The following GRIN2A variants were observed in gnomAD, a reference collection of about 807,000 sequenced individuals.
GRIN2A encodes the protein glutamate receptor ionotropic, NMDA 2A.
A neutral mutation model predicts 113.4 loss-of-function variants in GRIN2A; 22 were observed. The observed-to-expected ratio is 0.19, with a 90% CI of 0.14 to 0.28. The LOEUF is 0.28. Ranked by LOEUF, GRIN2A falls within the 10% of genes least tolerant of loss-of-function variation. The probability of loss-of-function intolerance (pLI) is 1.00; values close to 1 mark genes in which losing one functional copy is unlikely to be tolerated. For missense variants in GRIN2A, 1,502 were observed against 1,887.0 expected, an observed-to-expected ratio of 0.80 and a Z score of 3.78; for synonymous variants, 827 against 738.4, an observed-to-expected ratio of 1.12 and a Z score of -1.94.
At chr16:10,114,791 G>A (rs2048696519) in intron 2 of GRIN2A, among the ~76,000 whole-genome samples, 1 of 152,210 alleles carries the variant, frequency 6.6e-6, no homozygotes, top group African/African-American at 2.4e-5. Flanking sequence ...TAGGAACACT[G>A]GCAAAATAGA....
intron 2 of GRIN2A, among the ~76,000 whole-genome samples, chr16:10,086,188 G>A (rs532807836): frequency 6.6e-6 from 1 of 152,200 alleles, no homozygotes; most frequent in African/African-American, 2.4e-5. Context: ...CCTTCCCATG[G>A]AGACTCACAG....
chr16:9,779,873 A>G (rs1424789011), intron 11 of GRIN2A, among the ~76,000 whole-genome samples: 3 of 152,230 alleles, frequency 2.0e-5, no homozygotes, highest in Non-Finnish European at 4.4e-5. Context: ...GTGGCAGAGA[A>G]GCTAGATATC....
intron 2 of GRIN2A, among the ~76,000 whole-genome samples, chr16:10,077,184 G>T (rs1292777514): frequency 6.6e-6 from 1 of 152,188 alleles, no homozygotes; most frequent in Non-Finnish European, 1.5e-5. Context: ...CCTCCAGAAA[G>T]AACACAGCAC....
chr16:9,926,361 C>G (rs1255296617), intron 3 of GRIN2A, among the ~76,000 whole-genome samples: 1 of 152,196 alleles, frequency 6.6e-6, no homozygotes, highest in African/African-American at 2.4e-5. Flanking sequence ...AGGCGCCTCT[C>G]CAATCTTGGG....
chr16:9,857,527 A>G (rs2042990248), intron 4 of GRIN2A, among the ~76,000 whole-genome samples: 1 of 152,238 alleles, frequency 6.6e-6, no homozygotes, highest in Admixed American at 6.5e-5. Flanking sequence ...GACACAGAGT[A>G]GCAAAGTTGC....
In GRIN2A at chr16:9,798,591, C is replaced by T. The variant is rs532332507; in HGVS notation, c.2169-127G>A. 5 of 655,054 alleles carry T rather than the reference C, an allele frequency of 7.6e-6. No individual in the cohort carries two copies. The East Asian group carries it at 7.9e-5, about 10-fold the overall frequency. The allele number at this position is 655,054 out of a possible 1,614,324, so 40.6% of individuals were successfully genotyped here. A position where few individuals can be genotyped will look rare whatever the true frequency, so the allele number is the denominator to read the frequency against. ...TGCTGGTGATGATGACTCATGGCCT[C>T]TCCATCCCCTCATCATAAAAGGATC... On this transcript the variant is annotated intron_variant, in intron 10 of 12. Coordinates refer to ENST00000330684, the MANE Select transcript of GRIN2A (RefSeq NM_001134407.3).
intron 2 of GRIN2A, among the ~76,000 whole-genome samples, chr16:10,095,341 C>G (rs75526104): frequency 0.012 from 1,837 of 152,220 alleles, 50 homozygotes; most frequent in East Asian, 0.1. Context: ...ATACAAGAGC[C>G]AGGTTGAGGT....
At chr16:9,796,214 T>G (rs768682085) in intron 11 of GRIN2A, among the ~76,000 whole-genome samples, 8 of 152,218 alleles carry the variant, frequency 5.3e-5, no homozygotes, top group Non-Finnish European at 7.3e-5. Context: ...CAGATACCTA[T>G]CACATTTAAA....
At chr16:9,874,825 C>A (rs2043332952) in intron 4 of GRIN2A, among the ~76,000 whole-genome samples, 1 of 151,974 alleles carries the variant, frequency 6.6e-6, no homozygotes, top group Non-Finnish European at 1.5e-5. Flanking sequence ...GTAGCTCATG[C>A]CTGTAATCCC....
intron 2 of GRIN2A, among the ~76,000 whole-genome samples, chr16:9,970,482 A>C (rs2141735432): frequency 6.6e-6 from 1 of 152,342 alleles, no homozygotes; most frequent in Admixed American, 6.5e-5. Flanking sequence ...CTTTTGAGAT[A>C]TGGAGATAAA....
intron 2 of GRIN2A, among the ~76,000 whole-genome samples, chr16:9,946,872 C>G (rs1338997680): frequency 1.3e-5 from 2 of 152,112 alleles, no homozygotes; most frequent in African/African-American, 4.8e-5. Context: ...CGAGAGTTAC[C>G]AAGTTCTGAT....
At chr16:9,934,338 G>T (rs2044662976) in intron 3 of GRIN2A, among the ~76,000 whole-genome samples, 1 of 152,018 alleles carries the variant, frequency 6.6e-6, no homozygotes, top group South Asian at 2.1e-4. Flanking sequence ...GTATCCCAGG[G>T]GCTAGCACAG....
At chr16:10,169,366 G>A (rs1258719812) in intron 2 of GRIN2A, among the ~76,000 whole-genome samples, 2 of 152,134 alleles carry the variant, frequency 1.3e-5, no homozygotes, top group Non-Finnish European at 2.9e-5. Context: ...GCTAACAGAA[G>A]CAATTTTGCT....
intron 8 of GRIN2A, among the ~76,000 whole-genome samples, chr16:9,831,978 G>C (rs1181137635): frequency 6.6e-6 from 1 of 152,002 alleles, no homozygotes; most frequent in African/African-American, 2.4e-5. Context: ...CAGTGCAGTG[G>C]TGTGATCATA....
intron 3 of GRIN2A, among the ~76,000 whole-genome samples, chr16:9,895,586 T>C (rs74008867): frequency 0.022 from 3,313 of 152,216 alleles, 122 homozygotes; most frequent in African/African-American, 0.075. Flanking sequence ...AAGCAAGGAA[T>C]AGAGACGACG....
chr16:10,014,376 T>G (rs1157660496), intron 2 of GRIN2A, among the ~76,000 whole-genome samples: 1 of 152,232 alleles, frequency 6.6e-6, no homozygotes, highest in African/African-American at 2.4e-5. Context: ...TGAAGCTTGA[T>G]TTCATTGGCC....
At chr16:9,909,184 C>T (rs574475847) in intron 3 of GRIN2A, among the ~76,000 whole-genome samples, 8 of 152,116 alleles carry the variant, frequency 5.3e-5, no homozygotes, top group Non-Finnish European at 8.8e-5. Context: ...AGGGAAACTC[C>T]ACCTTTTTAA....
At chr16:10,162,297 C>T (rs934301401) in intron 2 of GRIN2A, among the ~76,000 whole-genome samples, 2 of 150,262 alleles carry the variant, frequency 1.3e-5, no homozygotes, top group African/African-American at 4.9e-5. Context: ...GCTGAGGTGT[C>T]TTGACTCCAC....
chr16:10,020,541 T>C (rs1022978853), intron 2 of GRIN2A, among the ~76,000 whole-genome samples: 1 of 152,172 alleles, frequency 6.6e-6, no homozygotes, highest in Non-Finnish European at 1.5e-5. Context: ...GTGTGTGCAA[T>C]AAATATAGAA....
Sources: allele counts gnomAD v4.1 joint callset (sites outside exome capture counted in the v4.1 genomes callset), GRCh38; gene constraint gnomAD v4.1.1; transcripts MANE v1.5; gene names NCBI Gene and HGNC (gene_info 2026-07-23, HGNC 2026-07-21).